The following LAMA2 variants were observed in gnomAD, a reference collection of about 807,000 sequenced individuals.
LAMA2 encodes laminin subunit alpha 2, also known as laminin subunit alpha-2.
Under a neutral mutation model 364.8 loss-of-function variants are expected in LAMA2, and 269 were observed. That is an observed-to-expected ratio of 0.74 (90% CI 0.67 to 0.82). LAMA2 has a LOEUF of 0.82. Among genes scored for constraint, LAMA2 ranks in the 40% least tolerant of loss-of-function variants. LAMA2 has a pLI of 0.00. For missense variants in LAMA2, 3,807 were observed against 3,873.2 expected (o/e 0.98, Z 0.45); for synonymous variants, 1,379 against 1,370.6 (o/e 1.01, Z -0.14).
chr6:129,440,909 A>T lies in LAMA2; in HGVS notation c.6179A>T (p.Gln2060Leu). 1.2e-6 allele frequency: 2 copies of T among 1,613,966 alleles called. No homozygotes were observed. Among genetic ancestry groups the T allele is most frequent in the Admixed American group, 3.3e-5 (2 of 59,994 alleles). Residue 2060 changes from glutamine to leucine, a missense_variant, in exon 43 of 65, where the codon CAG becomes CTG. Transcript: ENST00000421865. ...CTGGCACAGATTACAGAGCTCCACC[A>T]GAACCTCGATGGCCTGAAGAAGAAT... ...DVLAQITELHQNLDGLKKNYN... is the reference protein window; with the variant it reads ...DVLAQITELHLNLDGLKKNYN...
chr6:129,024,596 A>T (rs1020352761), intron 1 of LAMA2, among the ~76,000 whole-genome samples: 1 of 151,952 alleles, frequency 6.6e-6, no homozygotes, highest in Middle Eastern at 3.4e-3. Context: ...GGACTTCACC[A>T]TGTTGGCCAG....
intron 35 of LAMA2, 41 bp downstream of exon 35, chr6:129,383,274 C>A (rs1583620940): frequency 2.2e-6 from 3 of 1,388,484 alleles, no homozygotes; most frequent in East Asian, 2.3e-5. Flanking sequence ...TTTCTCCCAA[C>A]AGAAAAACAC....
At chr6:129,005,568 T>C (rs993273153) in intron 1 of LAMA2, among the ~76,000 whole-genome samples, 2 of 151,862 alleles carry the variant, frequency 1.3e-5, no homozygotes, top group Non-Finnish European at 2.9e-5. Context: ...AAAATTTTAA[T>C]CAAATTTCAG....
chr6:129,139,451 G>A (rs1777988776), intron 4 of LAMA2, among the ~76,000 whole-genome samples: 1 of 152,028 alleles, frequency 6.6e-6, no homozygotes, highest in African/African-American at 2.4e-5. Context: ...CCTTTACATT[G>A]TATTGGGTAT....
At chr6:129,233,948 G>C (rs1023830503) in intron 12 of LAMA2, among the ~76,000 whole-genome samples, 3 of 152,160 alleles carry the variant, frequency 2.0e-5, no homozygotes, top group Non-Finnish European at 4.4e-5. Flanking sequence ...GAAAAATGTT[G>C]TGAGACAAAT....
In LAMA2 at chr6:129,223,750, G is replaced by A. The variant is rs1310831962; in HGVS notation, c.1783-26362G>A. Among the ~76,000 whole-genome samples, 11 of 152,280 alleles carry A rather than the reference G, an allele frequency of 7.2e-5. No individual in the cohort carries two copies. In the South Asian group the frequency reaches 2.1e-3, roughly 29 times the overall value. On this transcript the variant is annotated intron_variant, in intron 12 of 64. Transcript: ENST00000421865. ...ATGCTGTTTTGGTTACTGTAGCCTT[G>A]TAGTATAGTTTGAAGTCAGGTAGCA...
intron 6 of LAMA2, 55 bp from the exon 7 acceptor site, chr6:129,148,924 C>T: frequency 8.9e-7 from 1 of 1,126,738 alleles, no homozygotes. Flanking sequence ...AGAGAGGCTT[C>T]CTTTATGGTT....
At chr6:129,484,936 AT>A (rs1327906484) in intron 55 of LAMA2, among the ~76,000 whole-genome samples, 1 of 152,210 alleles carries the variant, frequency 6.6e-6, no homozygotes, top group African/African-American at 2.4e-5. Context: ...GTTTACATGT[AT>A]ATCACTCATA....
At chr6:129,324,776 C>A (rs764923366) in intron 28 of LAMA2, among the ~76,000 whole-genome samples, 1 of 152,114 alleles carries the variant, frequency 6.6e-6, no homozygotes, top group Admixed American at 6.5e-5. Flanking sequence ...AGCAAAGGTA[C>A]ATTAAAAATA....
intron 51 of LAMA2, among the ~76,000 whole-genome samples, chr6:129,471,445 G>A (rs1276196585): frequency 1.3e-5 from 2 of 151,750 alleles, no homozygotes; most frequent in Non-Finnish European, 2.9e-5. Flanking sequence ...ATTCATTCAT[G>A]GATAAGGAGG....
In LAMA2 at chr6:129,508,735, T is replaced by C. The variant is rs114888762; in HGVS notation, c.8857+1093T>C. ...TTATGGCTTATTCATATCCAGTATGTATATGTACCACACTTTCTTTATCCG... is the reference window on the plus strand; with the variant it reads ...TTATGGCTTATTCATATCCAGTATGCATATGTACCACACTTTCTTTATCCG... On this transcript the variant is annotated intron_variant, in intron 62 of 64. Transcript: ENST00000421865. Among the ~76,000 whole-genome samples, 1,247 of 152,318 alleles carry C rather than the reference T, an allele frequency of 8.2e-3. 11 individuals are homozygous for C. The highest frequency in any genetic ancestry group is 0.028 in the African/African-American group (1,179 of 41,568).
chr6:129,325,864 G>A (rs1327292529), intron 28 of LAMA2, among the ~76,000 whole-genome samples: 3 of 152,028 alleles, frequency 2.0e-5, no homozygotes, highest in Non-Finnish European at 4.4e-5. Flanking sequence ...TTTTGAGATG[G>A]AGTCTCGCTT....
intron 43 of LAMA2, among the ~76,000 whole-genome samples, 159 bp downstream of exon 43, chr6:129,441,157 C>T (rs921719902): frequency 6.6e-6 from 1 of 152,122 alleles, no homozygotes; most frequent in African/African-American, 2.4e-5. Flanking sequence ...TCATGCAGTT[C>T]CAAAGCTGGA....
At chr6:128,940,946 G>T (rs932553443) in intron 1 of LAMA2, among the ~76,000 whole-genome samples, 1 of 152,098 alleles carries the variant, frequency 6.6e-6, no homozygotes, top group Non-Finnish European at 1.5e-5. Context: ...GCAAGAGCCT[G>T]TCCCCCCCAA....
chr6:129,401,372 G>A, intron 38 of LAMA2, 32 bp downstream of exon 38: 1 of 1,306,364 alleles, frequency 7.7e-7, no homozygotes, highest in Non-Finnish European at 1.1e-6. Flanking sequence ...AAAGAGAGAT[G>A]ATAATGAATA....
intron 4 of LAMA2, among the ~76,000 whole-genome samples, chr6:129,141,944 A>T (rs1778145561): frequency 6.6e-6 from 1 of 151,982 alleles, no homozygotes; most frequent in Non-Finnish European, 1.5e-5. Flanking sequence ...TTCTTTAACA[A>T]TTTTGGTTTG....
At chr6:129,049,814 A>T in intron 1 of LAMA2, 104 bp from the exon 2 acceptor site, 3 of 921,666 alleles carry the variant, frequency 3.3e-6, no homozygotes, top group Non-Finnish European at 5.4e-6. Flanking sequence ...ATGTTGGGTT[A>T]CTTTAATGCT....
intron 1 of LAMA2, among the ~76,000 whole-genome samples, chr6:128,934,709 A>C (rs879434745): frequency 6.6e-6 from 1 of 152,034 alleles, no homozygotes; most frequent in Non-Finnish European, 1.5e-5. Context: ...GGGTTTTGCT[A>C]TGTTGGACAG....
intron 37 of LAMA2, among the ~76,000 whole-genome samples, chr6:129,397,392 A>G (rs1779712891): frequency 6.6e-6 from 1 of 152,126 alleles, no homozygotes; most frequent in South Asian, 2.1e-4. Flanking sequence ...TATATTATAC[A>G]TTAATTTACT....
Sources: gnomAD v4.1 joint callset for allele counts (sites outside exome capture counted in the v4.1 genomes callset) on GRCh38, gnomAD v4.1.1 for gene constraint, MANE v1.5 for transcripts, NCBI Gene and HGNC (gene_info 2026-07-23, HGNC 2026-07-21) for gene names.